PBX4: variants seen among roughly 807,000 people sequenced by gnomAD.
PBX4 encodes PBX homeobox 4, also known as pre-B-cell leukemia transcription factor 4.
Under a neutral mutation model 35.1 loss-of-function variants are expected in PBX4, and 26 were observed. The ratio of observed to expected loss-of-function variants is 0.74; its 90% CI spans 0.54 to 1.03. PBX4 has a LOEUF of 1.03. PBX4 is among the 50% of genes least tolerant of loss of function. PBX4 has a pLI of 0.00. For synonymous variants in PBX4, 199 were observed against 204.2 expected (o/e 0.97, Z 0.22); for missense variants, 448 against 504.3 (o/e 0.89, Z 1.07).
At chr19:19,598,578 G>A (rs939200294) in intron 2 of PBX4, among the ~76,000 whole-genome samples, 27 of 152,104 alleles carry the variant, frequency 1.8e-4, no homozygotes, top group Non-Finnish European at 3.8e-4. Flanking sequence ...CTACAGGTAT[G>A]AGCCACTGTG....
rs111939578 is a variant in PBX4 at position 19,611,446 on chromosome 19, C to T, written c.119+7065G>A. On this transcript the variant is annotated intron_variant, in intron 1 of 7. Transcript: ENST00000251203. ...CTGTAATCCCAGCACTTTGGGAGGCCGAGGCGGGCAGATCATGAGGTCAGG... is the reference window on the plus strand; with the variant it reads ...CTGTAATCCCAGCACTTTGGGAGGCTGAGGCGGGCAGATCATGAGGTCAGG... Among the ~76,000 whole-genome samples the T allele has an allele frequency of 7.7e-3, 1,171 of 151,640 alleles. 7 individuals are homozygous for T. The highest frequency in any genetic ancestry group is 9.5e-3 in the Non-Finnish European group (647 of 67,852).
At chr19:19,579,068 G>A (rs2061437543) in intron 2 of PBX4, among the ~76,000 whole-genome samples, 1 of 152,132 alleles carries the variant, frequency 6.6e-6, no homozygotes, top group African/African-American at 2.4e-5. Context: ...CACCCAGTCT[G>A]GGCCGGGCGT....
At chr19:19,594,405 A>C (rs968825392) in intron 2 of PBX4, among the ~76,000 whole-genome samples, 7 of 152,056 alleles carry the variant, frequency 4.6e-5, no homozygotes. Context: ...TAAAAAAAAA[A>C]AAAAAAGAGT....
rs757122658 is a variant in PBX4, at chr19:19,562,035, G to A, written c.1115C>T (p.Thr372Ile). Residue 372 changes from threonine (T) to isoleucine (I), a missense_variant, in exon 8 of 8, where the codon ACA (threonine) becomes ATA (isoleucine). Coordinates refer to ENST00000251203, the MANE Select transcript of PBX4 (RefSeq NM_025245.3). The surrounding 1 kb of genome is among the most constrained non-coding windows in gnomAD (Gnocchi z 4.8). ...GCTTATCCCCCAAACTTAATTAGAT[G>A]TACTGGAGTTGATGCTGCCAGGGTC... is the stretch of plus-strand genomic sequence containing the variant. ...AGDPGSINSS[T>I]SN The A allele has an allele frequency of 3.7e-6, 6 of 1,612,854 alleles. No individual in the cohort carries two copies. The Admixed American group carries it at 6.7e-5, about 18-fold the overall frequency.
chr19:19,562,101 T>A lies in PBX4; in HGVS notation c.1049A>T (p.Gln350Leu). The change falls in exon 8 of 8, where the codon CAG becomes CTG. Residue 350 changes from glutamine (Q) to leucine (L), a missense_variant. By Grantham distance (113) the Gln-to-Leu change is moderately radical (BLOSUM62 -2). Coordinates refer to ENST00000251203, the MANE Select transcript of PBX4 (RefSeq NM_025245.3). This position sits in a 1 kb window ranked among gnomAD's most constrained non-coding sequence, Gnocchi z 4.8. ...AGTTGCAGGTTGGGGGGTGGCCCCC[T>A]GCCAGCTACCCTGGGCCTGAAACGA... ...CLQSQAQGSW[Q>L]GATPQPATAS... is the part of the protein sequence containing the mutation. 6.2e-7 allele frequency: 1 copy of A among 1,611,642 alleles called. No individual in the cohort carries two copies. The highest frequency in any genetic ancestry group is 8.5e-7 in the Non-Finnish European group (1 of 1,179,040).
At chr19:19,612,904 C>T (rs1359047773) in intron 1 of PBX4, among the ~76,000 whole-genome samples, 1 of 151,900 alleles carries the variant, frequency 6.6e-6, no homozygotes, top group African/African-American at 2.4e-5. Context: ...CTGCAACCTC[C>T]GTCTCCAGGG....
intron 1 of PBX4, among the ~76,000 whole-genome samples, chr19:19,614,946 G>A (rs915208105): frequency 6.6e-6 from 1 of 151,818 alleles, no homozygotes; most frequent in Non-Finnish European, 1.5e-5. Flanking sequence ...GATCATTTGA[G>A]GTCAGGAGTT....
intron 2 of PBX4, among the ~76,000 whole-genome samples, chr19:19,595,414 TG>T (rs1777269402): frequency 6.6e-6 from 1 of 152,122 alleles, no homozygotes; most frequent in African/African-American, 2.4e-5. Flanking sequence ...ACACGAATGC[TG>T]AAGCACCATC....
intron 2 of PBX4, among the ~76,000 whole-genome samples, chr19:19,591,596 T>C (rs916639504): frequency 1.3e-5 from 2 of 152,186 alleles, no homozygotes; most frequent in African/African-American, 4.8e-5. Flanking sequence ...GCAGGCCCCT[T>C]CTCAAGAACG....
chr19:19,583,473 T>A (rs2061468645), intron 2 of PBX4, among the ~76,000 whole-genome samples: 1 of 150,900 alleles, frequency 6.6e-6, no homozygotes, highest in Non-Finnish European at 1.5e-5. Flanking sequence ...ATGAGTCAGG[T>A]TTGGTGGCAC....
At chr19:19,597,772 TG>T (rs2061569680) in intron 2 of PBX4, among the ~76,000 whole-genome samples, 1 of 152,230 alleles carries the variant, frequency 6.6e-6, no homozygotes, top group African/African-American at 2.4e-5. Flanking sequence ...TCTTATTTGG[TG>T]GCCCCACTTA....
chr19:19,598,834 A>G (rs980616353), intron 2 of PBX4, among the ~76,000 whole-genome samples: 1 of 152,010 alleles, frequency 6.6e-6, no homozygotes, highest in Admixed American at 6.6e-5. Flanking sequence ...GGGATGAGCA[A>G]AACGGCCCAC....
chr19:19,592,682 G>A (rs2061536316), intron 2 of PBX4, among the ~76,000 whole-genome samples: 1 of 152,116 alleles, frequency 6.6e-6, no homozygotes, highest in African/African-American at 2.4e-5. Flanking sequence ...TGGATGAAAG[G>A]GATTTCAGTT....
intron 1 of PBX4, among the ~76,000 whole-genome samples, chr19:19,607,300 C>T (rs2061637364): frequency 6.6e-6 from 1 of 152,056 alleles, no homozygotes; most frequent in South Asian, 2.1e-4. Context: ...GTGATCCACC[C>T]ACCTCGGCCT....
intron 2 of PBX4, among the ~76,000 whole-genome samples, chr19:19,576,193 C>T (rs992965992): frequency 1.3e-5 from 2 of 151,822 alleles, no homozygotes. Flanking sequence ...AGTTCAAGAC[C>T]AGCCTGGGCA....
chr19:19,609,261 A>T (rs1328528463), intron 1 of PBX4, among the ~76,000 whole-genome samples: 1 of 152,152 alleles, frequency 6.6e-6, no homozygotes, highest in African/African-American at 2.4e-5. Context: ...CTAGAAACAC[A>T]GTGAAGAGCC....
At chr19:19,589,800 C>T (rs976109766) in intron 2 of PBX4, among the ~76,000 whole-genome samples, 4 of 152,054 alleles carry the variant, frequency 2.6e-5, no homozygotes, top group African/African-American at 4.8e-5. Context: ...CTAGTATCTA[C>T]GGTGTGCCAA....
chr19:19,618,419 C>A, intron 1 of PBX4, 92 bp downstream of exon 1: 1 of 1,212,584 alleles, frequency 8.2e-7, no homozygotes. Context: ...TCAAGCGCCC[C>A]TCGTCAGTCT....
chr19:19,596,986 C>T (rs888696611), intron 2 of PBX4, among the ~76,000 whole-genome samples: 6 of 149,230 alleles, frequency 4.0e-5, no homozygotes, highest in Non-Finnish European at 5.9e-5. Flanking sequence ...GACAGGCAGG[C>T]GGATCACCTG....
Sources: gnomAD v4.1 joint callset for allele counts (sites outside exome capture counted in the v4.1 genomes callset) on GRCh38, gnomAD v4.1.1 for gene constraint, Gnocchi (gnomAD v3.1) non-coding constraint, MANE v1.5 for transcripts, NCBI Gene and HGNC (gene_info 2026-07-23, HGNC 2026-07-21) for gene names.